DNAAF9: variants seen among roughly 807,000 people sequenced by gnomAD.
The protein encoded by DNAAF9 is dynein axonemal assembly factor 9, also known as shulin.
Under a neutral mutation model 167.0 loss-of-function variants are expected in DNAAF9, and 90 were observed. The ratio of observed to expected loss-of-function variants is 0.54; its 90% CI spans 0.45 to 0.64. The LOEUF (loss-of-function observed/expected upper bound fraction) is 0.64. Ranked by LOEUF, DNAAF9 falls within the 30% of genes least tolerant of loss-of-function variation. The pLI is 0.00. For synonymous variants in DNAAF9, 491 were observed against 508.8 expected, an observed-to-expected ratio of 0.96 and a Z score of 0.47; for missense variants, 1,315 against 1,442.2, an observed-to-expected ratio of 0.91 and a Z score of 1.43.
chr20:3,352,224 T>C (rs370702039), intron 7 of DNAAF9, among the ~76,000 whole-genome samples: 1 of 152,218 alleles, frequency 6.6e-6, no homozygotes, highest in African/African-American at 2.4e-5. Flanking sequence ...TACTTGTAAC[T>C]GGTAATCTGC....
chr20:3,270,433 A>G lies in DNAAF9; in HGVS notation c.2780T>C (p.Val927Ala). 1 of 1,613,840 alleles carries G rather than the reference A, an allele frequency of 6.2e-7. No homozygotes were observed. Among genetic ancestry groups the G allele is most frequent in the African/African-American group, 1.3e-5 (1 of 75,034 alleles). The part of the protein sequence containing the change: ...AAFILAENGI[V>A]TRNEDIELIL... ...GAGTGAATCTATAGATTACCTGGTG[A>G]CAATCCCATTTTCTGCAAGAATGAA... Residue 927 changes from valine (V) to alanine (A), a missense_variant, in exon 30 of 37, where the codon GTC (valine) becomes GCC (alanine). Transcript: ENST00000252032.
intron 1 of DNAAF9, among the ~76,000 whole-genome samples, chr20:3,396,968 C>T (rs547402743): frequency 1.3e-5 from 2 of 152,218 alleles, no homozygotes; most frequent in Non-Finnish European, 2.9e-5. Flanking sequence ...TACTGCTGGA[C>T]AGGCATGGTG....
At chr20:3,297,925 C>T in intron 22 of DNAAF9, 104 bp downstream of exon 22, 1 of 883,966 alleles carries the variant, frequency 1.1e-6, no homozygotes, top group Non-Finnish European at 1.9e-6. Flanking sequence ...CCTAACTCTC[C>T]CTCTCATCAC....
At chr20:3,305,594 C>A (rs761361941) in intron 20 of DNAAF9, among the ~76,000 whole-genome samples, 3 of 152,206 alleles carry the variant, frequency 2.0e-5, no homozygotes, top group Non-Finnish European at 4.4e-5. Flanking sequence ...AGTCTGAGGG[C>A]TGCCTTCACA....
At chr20:3,265,922 C>T (rs965851287) in intron 30 of DNAAF9, among the ~76,000 whole-genome samples, 2 of 152,126 alleles carry the variant, frequency 1.3e-5, no homozygotes, top group Non-Finnish European at 2.9e-5. Flanking sequence ...CCAGGTGATC[C>T]GCCTGCCTCA....
intron 6 of DNAAF9, among the ~76,000 whole-genome samples, chr20:3,361,115 G>A (rs2083356459): frequency 6.6e-6 from 1 of 152,144 alleles, no homozygotes; most frequent in Non-Finnish European, 1.5e-5. Flanking sequence ...ATGTCTTCTG[G>A]CCAAAGCAAG....
At chr20:3,370,765 C>T (rs116961657) in intron 6 of DNAAF9, among the ~76,000 whole-genome samples, 1 of 152,134 alleles carries the variant, frequency 6.6e-6, no homozygotes, top group African/African-American at 2.4e-5. Flanking sequence ...GAACTCCTGG[C>T]TTCACGCGAT....
chr20:3,261,546 T>G (rs2068388170), intron 31 of DNAAF9, among the ~76,000 whole-genome samples: 1 of 150,992 alleles, frequency 6.6e-6, no homozygotes, highest in African/African-American at 2.4e-5. Context: ...TTTTGTATTT[T>G]TAATAGAGAT....
chr20:3,256,750 G>C (rs2122732150), intron 33 of DNAAF9, among the ~76,000 whole-genome samples: 1 of 152,356 alleles, frequency 6.6e-6, no homozygotes, highest in African/African-American at 2.4e-5. Context: ...GTCCCTGGTG[G>C]TTGCTGGAAT....
At chr20:3,255,857 A>G in intron 34 of DNAAF9, 149 bp downstream of exon 34, 1 of 632,994 alleles carries the variant, frequency 1.6e-6, no homozygotes, top group South Asian at 1.9e-5. Flanking sequence ...CCCTCTCTCA[A>G]AGTGTCCCTG....
At chr20:3,340,019 C>T (rs1266679663) in intron 10 of DNAAF9, among the ~76,000 whole-genome samples, 2 of 152,188 alleles carry the variant, frequency 1.3e-5, no homozygotes, top group African/African-American at 4.8e-5. Flanking sequence ...GTCTCATATT[C>T]AGGTCTAATG....
intron 31 of DNAAF9, among the ~76,000 whole-genome samples, chr20:3,264,074 T>C (rs2068441664): frequency 6.6e-6 from 1 of 152,212 alleles, no homozygotes; most frequent in South Asian, 2.1e-4. Flanking sequence ...CCTAGAGGAC[T>C]GACTGACGGT....
chr20:3,275,872 C>T (rs1329998401), intron 29 of DNAAF9, among the ~76,000 whole-genome samples: 1 of 152,204 alleles, frequency 6.6e-6, no homozygotes, highest in Non-Finnish European at 1.5e-5. Flanking sequence ...CCATCCCAGT[C>T]TGGGCTAAAG....
intron 24 of DNAAF9, 61 bp downstream of exon 24, chr20:3,294,467 G>T: frequency 8.6e-7 from 1 of 1,167,622 alleles, no homozygotes; most frequent in Non-Finnish European, 1.3e-6. Flanking sequence ...GACCAACACT[G>T]AGGTTTCCGA....
intron 7 of DNAAF9, among the ~76,000 whole-genome samples, chr20:3,353,640 C>G (rs372685371): frequency 5.4e-5 from 7 of 129,260 alleles, no homozygotes; most frequent in Admixed American, 8.0e-5. Context: ...CGCACCACCC[C>G]CCCCCCCGCA....
chr20:3,347,984 C>T (rs781331606), intron 8 of DNAAF9, among the ~76,000 whole-genome samples: 1 of 152,106 alleles, frequency 6.6e-6, no homozygotes, highest in Non-Finnish European at 1.5e-5. Context: ...GGAGGGCTTG[C>T]TCTGAGCCAC....
intron 15 of DNAAF9, 147 bp downstream of exon 15, chr20:3,322,505 T>C: frequency 2.6e-6 from 2 of 782,980 alleles, no homozygotes; most frequent in Non-Finnish European, 4.5e-6. Context: ...GGGGCTCAGC[T>C]GAGCACAGCC....
chr20:3,392,042 T>C lies in DNAAF9; in HGVS notation c.84-9536A>G, dbSNP rs6051829. ...TAAAAAAATTAGCCAGGCATGATGG[T>C]GTGCATCAGAAGTCCCAACTACTTA... On this transcript the variant is annotated intron_variant, in intron 1 of 36. Transcript: ENST00000252032. Among the ~76,000 whole-genome samples, 1,004 of 152,262 alleles carry C rather than the reference T, an allele frequency of 6.6e-3. 8 individuals carry two copies. The highest frequency in any genetic ancestry group is 0.023 in the African/African-American group (960 of 41,556).
At chr20:3,363,057 C>T (rs893927716) in intron 6 of DNAAF9, among the ~76,000 whole-genome samples, 11 of 151,848 alleles carry the variant, frequency 7.2e-5, no homozygotes, top group African/African-American at 2.7e-4. Flanking sequence ...GGTGAAAGCC[C>T]GTCTCTACTA....
Sources: gnomAD v4.1 joint callset for allele counts (sites outside exome capture counted in the v4.1 genomes callset) on GRCh38, gnomAD v4.1.1 for gene constraint, MANE v1.5 for transcripts, NCBI Gene and HGNC (gene_info 2026-07-23, HGNC 2026-07-21) for gene names.